TMEM132B: variants seen among roughly 807,000 people sequenced by gnomAD.
TMEM132B encodes transmembrane protein 132B.
A neutral mutation model predicts 90.8 loss-of-function variants in TMEM132B; 18 were observed. The observed-to-expected ratio is 0.20, with a 90% CI of 0.14 to 0.29. TMEM132B has a LOEUF of 0.29. Ranked by LOEUF, TMEM132B falls within the 10% of genes least tolerant of loss-of-function variation. The pLI, the probability that TMEM132B is intolerant of heterozygous loss-of-function variation, is 1.00. For synonymous variants in TMEM132B, 504 were observed against 523.3 expected, an observed-to-expected ratio of 0.96 and a Z score of 0.50; for missense variants, 1,096 against 1,326.8, an observed-to-expected ratio of 0.83 and a Z score of 2.70.
intron 4 of TMEM132B, among the ~76,000 whole-genome samples, chr12:125,536,609 G>T (rs563930547): frequency 5.3e-4 from 80 of 152,342 alleles, no homozygotes; most frequent in African/African-American, 1.8e-3. Flanking sequence ...ACATTGCCTG[G>T]CACATGGTAG....
intron 2 of TMEM132B, among the ~76,000 whole-genome samples, chr12:125,350,671 G>A (rs1453095410): frequency 3.9e-5 from 6 of 152,218 alleles, no homozygotes; most frequent in Non-Finnish European, 8.8e-5. Flanking sequence ...CTGGCTGGCA[G>A]TTATCAAAGT....
chr12:125,632,750 A>C lies in TMEM132B; in HGVS notation c.1438-11326A>C, dbSNP rs193031543. ...TCTGGCCTTTAAGGTTTTTACTGAA[A>C]ATTCTGTTGCTAGATGTATTGAGGC... On this transcript the variant is annotated intron_variant, in intron 5 of 8. Transcript: ENST00000682704. Among the ~76,000 whole-genome samples, 145 of 152,154 alleles carry C rather than the reference A, an allele frequency of 9.5e-4. 1 individual carries two copies. The highest frequency in any genetic ancestry group is 3.4e-3 in the African/African-American group (140 of 41,530).
chr12:125,468,075 G>A (rs1593160982), intron 3 of TMEM132B, among the ~76,000 whole-genome samples: 1 of 152,246 alleles, frequency 6.6e-6, no homozygotes, highest in East Asian at 1.9e-4. Flanking sequence ...AAACATTCAT[G>A]TACAGATTTC....
At chr12:125,326,790 GT>G in intron 1 of TMEM132B, 1 of 1,081,558 alleles carries the variant, frequency 9.2e-7, no homozygotes, top group Non-Finnish European at 1.3e-6. Flanking sequence ...TCTTGAAAGA[GT>G]TGCCTGTTCT....
chr12:125,633,808 GA>G (rs1186515070), intron 5 of TMEM132B, among the ~76,000 whole-genome samples: 2 of 152,208 alleles, frequency 1.3e-5, no homozygotes, highest in African/African-American at 2.4e-5. Flanking sequence ...TGAGCCACCT[GA>G]AGCTGAGAGT....
chr12:125,398,382 G>A (rs1021239266), intron 2 of TMEM132B, among the ~76,000 whole-genome samples: 1 of 152,210 alleles, frequency 6.6e-6, no homozygotes, highest in Admixed American at 6.5e-5. Flanking sequence ...AAAGAAGACC[G>A]ATGTGAGAAA....
intron 2 of TMEM132B, among the ~76,000 whole-genome samples, chr12:125,414,226 C>T (rs539718475): frequency 2.0e-4 from 30 of 152,244 alleles, no homozygotes; most frequent in Middle Eastern, 6.8e-3. Context: ...ACTTTATATA[C>T]GCTGAATGCT....
chr12:125,646,096 C>T (rs1044053507), intron 6 of TMEM132B, among the ~76,000 whole-genome samples: 4 of 152,140 alleles, frequency 2.6e-5, no homozygotes, highest in Non-Finnish European at 5.9e-5. Flanking sequence ...ATCTGAACTT[C>T]AAAAACGCTG....
chr12:125,597,519 G>A (rs1885467433), intron 5 of TMEM132B, among the ~76,000 whole-genome samples: 1 of 152,202 alleles, frequency 6.6e-6, no homozygotes, highest in African/African-American at 2.4e-5. Context: ...CAATAAATCA[G>A]CATGAGCAAG....
chr12:125,416,872 C>G (rs1055480954), intron 3 of TMEM132B, among the ~76,000 whole-genome samples: 3 of 152,224 alleles, frequency 2.0e-5, no homozygotes, highest in African/African-American at 7.2e-5. Flanking sequence ...AGATTTGTGT[C>G]TGCCTGCTAG....
intron 4 of TMEM132B, among the ~76,000 whole-genome samples, chr12:125,542,950 A>G (rs1272986249): frequency 1.3e-5 from 2 of 152,186 alleles, no homozygotes; most frequent in Non-Finnish European, 2.9e-5. Context: ...CTCCATTCTG[A>G]TGATGCTGTT....
chr12:125,511,159 C>T (rs895283360), intron 3 of TMEM132B, among the ~76,000 whole-genome samples: 1 of 151,800 alleles, frequency 6.6e-6, no homozygotes, highest in Non-Finnish European at 1.5e-5. Context: ...GTCATATATC[C>T]TCTCTTGTGA....
At chr12:125,573,464 A>G (rs532024885) in intron 4 of TMEM132B, among the ~76,000 whole-genome samples, 67 of 152,310 alleles carry the variant, frequency 4.4e-4, no homozygotes, top group Admixed American at 7.8e-4. Flanking sequence ...TTGCTAACCC[A>G]TACTGCTGTG....
intron 5 of TMEM132B, among the ~76,000 whole-genome samples, chr12:125,640,698 C>T (rs1886607705): frequency 7.0e-6 from 1 of 142,092 alleles, no homozygotes; most frequent in African/African-American, 2.5e-5. Context: ...ACGCAAAATG[C>T]TGTGCAAGAG....
At chr12:125,385,550 A>G (rs1295554482) in intron 2 of TMEM132B, among the ~76,000 whole-genome samples, 3 of 152,244 alleles carry the variant, frequency 2.0e-5, no homozygotes, top group Non-Finnish European at 4.4e-5. Context: ...CCTAGGTCAC[A>G]TGAGAATAGA....
At position 125,415,528 on chromosome 12, in the gene TMEM132B, C is replaced by G; in HGVS notation, c.960-3C>G. The stretch of plus-strand genomic sequence containing the variant: ...ATAATATCATTGTTTTCCCACCCCA[C>G]AGAATTAAGGCGGCAGCAGGTGTGA... On this transcript the variant is annotated splice_region_variant and splice_polypyrimidine_tract_variant and intron_variant, in intron 2 of 8. Coordinates refer to ENST00000682704, the MANE Select transcript of TMEM132B (RefSeq NM_001366854.1). This position sits in a 1 kb window ranked among gnomAD's most constrained non-coding sequence, Gnocchi z 5.3. The G allele has an allele frequency of 6.2e-7, 1 of 1,613,918 alleles. No individual in the cohort carries two copies. Among genetic ancestry groups the G allele is most frequent in the East Asian group, 2.2e-5 (1 of 44,878 alleles).
chr12:125,613,328 C>T (rs912051551), intron 5 of TMEM132B, among the ~76,000 whole-genome samples: 3 of 148,318 alleles, frequency 2.0e-5, no homozygotes, highest in African/African-American at 7.4e-5. Flanking sequence ...GGGATATCCA[C>T]AACCGAATTT....
chr12:125,210,692 G>A (rs1465410114), intron 1 of TMEM132B, among the ~76,000 whole-genome samples: 1 of 152,160 alleles, frequency 6.6e-6, no homozygotes, highest in Non-Finnish European at 1.5e-5. Flanking sequence ...GGGCTGGTGT[G>A]GTGGCTCATG....
Position 125,209,853 on chromosome 12 carries a change from T to C in TMEM132B, c.67+22987T>C, listed in dbSNP as rs1430398734. 6.6e-6 allele frequency among the ~76,000 whole-genome samples: 1 copy of C among 152,252 alleles called. No individual in the cohort carries two copies. The highest frequency in any genetic ancestry group is 2.4e-5 in the African/African-American group (1 of 41,476). ...TCCCCAATCCTGATTTCTTTTCTCC[T>C]TCACTGGAGATAAATACTGTTAGAT... is the stretch of plus-strand genomic sequence containing the variant. On this transcript the variant is annotated intron_variant, in intron 1 of 8. Transcript: ENST00000682704. This position sits in a 1 kb window ranked among gnomAD's most constrained non-coding sequence, Gnocchi z 4.4.
Sources: allele counts gnomAD v4.1 joint callset (sites outside exome capture counted in the v4.1 genomes callset), GRCh38; gene constraint gnomAD v4.1.1; non-coding constraint Gnocchi (gnomAD v3.1); transcripts MANE v1.5; gene names NCBI Gene and HGNC (gene_info 2026-07-23, HGNC 2026-07-21).